SPHKAP: variants seen among roughly 807,000 people sequenced by gnomAD.
SPHKAP encodes the protein A-kinase anchor protein SPHKAP.
Under a neutral mutation model 137.5 loss-of-function variants are expected in SPHKAP, and 67 were observed. The observed-to-expected ratio is 0.49, with a 90% confidence interval of 0.40 to 0.60. The LOEUF (loss-of-function observed/expected upper bound fraction) is 0.60. Among genes scored for constraint, SPHKAP ranks in the 20% least tolerant of loss-of-function variants. SPHKAP has a pLI of 0.00. For synonymous variants in SPHKAP, 813 were observed against 785.3 expected, an observed-to-expected ratio of 1.04 and a Z score of -0.59; for missense variants, 2,097 against 2,069.3, an observed-to-expected ratio of 1.01 and a Z score of -0.26.
intron 11 of SPHKAP, among the ~76,000 whole-genome samples, chr2:227,984,655 A>T (rs1693145850): frequency 6.6e-6 from 1 of 152,164 alleles, no homozygotes; most frequent in South Asian, 2.1e-4. Flanking sequence ...AAAGGCTAAA[A>T]TGACAGCTTT....
chr2:228,036,740 G>A (rs866969897), intron 3 of SPHKAP, among the ~76,000 whole-genome samples: 5 of 152,064 alleles, frequency 3.3e-5, no homozygotes, highest in East Asian at 1.9e-4. Context: ...GTAGGGACAC[G>A]GATGAAGCTG....
At chr2:228,035,576 C>A (rs918913541) in intron 3 of SPHKAP, among the ~76,000 whole-genome samples, 1 of 152,188 alleles carries the variant, frequency 6.6e-6, no homozygotes, top group Admixed American at 6.5e-5. Flanking sequence ...ATCGCCAAGT[C>A]AATCCTAAGC....
intron 1 of SPHKAP, among the ~76,000 whole-genome samples, chr2:228,163,422 G>A (rs962269068): frequency 2.4e-4 from 36 of 152,056 alleles, no homozygotes; most frequent in Non-Finnish European, 1.3e-4. Flanking sequence ...AATTCCAATA[G>A]CTTTTATGTT....
At chr2:228,020,368 C>T in intron 6 of SPHKAP, 2 of 206,830 alleles carry the variant, frequency 9.7e-6, no homozygotes, top group Non-Finnish European at 1.7e-5. Flanking sequence ...ACATATACAC[C>T]ATGGAATACT....
chr2:228,038,005 G>T (rs1294924800), intron 3 of SPHKAP, among the ~76,000 whole-genome samples: 1 of 152,232 alleles, frequency 6.6e-6, no homozygotes, highest in Non-Finnish European at 1.5e-5. Flanking sequence ...CCTCTGTCTA[G>T]TAGAGCTGGG....
intron 3 of SPHKAP, among the ~76,000 whole-genome samples, chr2:228,044,690 AC>A (rs2106263436): frequency 6.6e-6 from 1 of 152,358 alleles, no homozygotes; most frequent in African/African-American, 2.4e-5. Flanking sequence ...GAAAAACAAA[AC>A]AAAATACAAG....
intron 3 of SPHKAP, among the ~76,000 whole-genome samples, chr2:228,056,143 G>A (rs1410570790): frequency 1.3e-5 from 2 of 152,196 alleles, no homozygotes; most frequent in African/African-American, 2.4e-5. Context: ...ACAGCAGCTT[G>A]AGCCTCTCCT....
intron 2 of SPHKAP, 91 bp downstream of exon 2, chr2:228,131,889 G>A: frequency 6.7e-7 from 1 of 1,485,728 alleles, no homozygotes; most frequent in East Asian, 2.3e-5. Flanking sequence ...TTTTATTGTT[G>A]TTTCTACTTT....
intron 3 of SPHKAP, among the ~76,000 whole-genome samples, chr2:228,107,237 T>C (rs1698370505): frequency 6.6e-6 from 1 of 152,134 alleles, no homozygotes; most frequent in Admixed American, 6.6e-5. Flanking sequence ...CTTCTCAACC[T>C]TCCCTGAATC....
In SPHKAP at chr2:228,082,122, G is replaced by T. The variant is rs572328508; in HGVS notation, c.246+26710C>A. ...ATACTCTATTTACAAAACAGGCAGT[G>T]GCCCAGATTTGGTTCAAGGACTGTA... On this transcript the variant is annotated intron_variant, in intron 3 of 11. Coordinates refer to ENST00000392056, the MANE Select transcript of SPHKAP (RefSeq NM_001142644.2). 2.0e-5 allele frequency among the ~76,000 whole-genome samples: 3 copies of T among 152,256 alleles called. No homozygotes were observed. In the South Asian group the frequency reaches 6.2e-4, roughly 32 times the overall value.
chr2:228,077,206 G>T (rs559032092), intron 3 of SPHKAP, among the ~76,000 whole-genome samples: 1 of 152,216 alleles, frequency 6.6e-6, no homozygotes, highest in Non-Finnish European at 1.5e-5. Flanking sequence ...CTAGGGCAGT[G>T]TGGAAGAGAA....
At chr2:228,004,215 A>G (rs1176089080) in intron 7 of SPHKAP, among the ~76,000 whole-genome samples, 5 of 152,094 alleles carry the variant, frequency 3.3e-5, no homozygotes, top group Admixed American at 1.3e-4. Flanking sequence ...TTGGTAGGCT[A>G]TTAATTATTG....
Position 227,986,195 on chromosome 2 carries a change from C to A in SPHKAP, c.4960-4335G>T, listed in dbSNP as rs145747082. On this transcript the variant is annotated intron_variant, in intron 11 of 11. Coordinates refer to ENST00000392056, the MANE Select transcript of SPHKAP (RefSeq NM_001142644.2). ...ATTCTTCTAATTTTCCCCTTCCTTT[C>A]CAATGAGTTTCTTTGAAGCTGATAA... Among the ~76,000 whole-genome samples, 9 of 152,326 alleles carry A rather than the reference C, an allele frequency of 5.9e-5. No homozygotes were observed. The East Asian group carries it at 1.7e-3, about 29-fold the overall frequency.
chr2:228,036,359 C>T (rs1695593491), intron 3 of SPHKAP, among the ~76,000 whole-genome samples: 1 of 152,096 alleles, frequency 6.6e-6, no homozygotes, highest in Non-Finnish European at 1.5e-5. Flanking sequence ...GTTAGAATGG[C>T]AATCATTAAA....
chr2:227,981,957 CT>C, intron 11 of SPHKAP, 97 bp from the exon 12 acceptor site: 1 of 1,457,772 alleles, frequency 6.9e-7, no homozygotes, highest in East Asian at 2.6e-5. Context: ...TCTCCAGTCT[CT>C]GTTTAAATGT....
chr2:228,077,445 A>C (rs1265146748), intron 3 of SPHKAP, among the ~76,000 whole-genome samples: 1 of 152,180 alleles, frequency 6.6e-6, no homozygotes, highest in African/African-American at 2.4e-5. Context: ...ATAGGAACCC[A>C]CCTCTTGCAT....
At chr2:228,024,769 T>C (rs933804050) in intron 5 of SPHKAP, among the ~76,000 whole-genome samples, 1 of 152,196 alleles carries the variant, frequency 6.6e-6, no homozygotes, top group Non-Finnish European at 1.5e-5. Context: ...ATTAATTAAT[T>C]AAACAATTTT....
chr2:228,116,259 C>T (rs1698708215), intron 2 of SPHKAP, among the ~76,000 whole-genome samples: 1 of 152,140 alleles, frequency 6.6e-6, no homozygotes, highest in Non-Finnish European at 1.5e-5. Flanking sequence ...TCTTCCTTAT[C>T]TCTGAAATCC....
intron 7 of SPHKAP, among the ~76,000 whole-genome samples, chr2:227,996,449 A>C (rs1022626091): frequency 8.6e-5 from 13 of 152,028 alleles, no homozygotes; most frequent in Non-Finnish European, 1.3e-4. Context: ...CCTGGAACCC[A>C]GTTGTCTGTT....
Sources: allele counts gnomAD v4.1 joint callset (sites outside exome capture counted in the v4.1 genomes callset), GRCh38; gene constraint gnomAD v4.1.1; transcripts MANE v1.5; gene names NCBI Gene and HGNC (gene_info 2026-07-23, HGNC 2026-07-21).